Variants in AKT3 observed in about 807,000 individuals in gnomAD.
AKT3 encodes the protein RAC-gamma serine/threonine-protein kinase.
In AKT3, 15 loss-of-function variants were observed where a neutral mutation model predicts 65.3. The ratio of observed to expected loss-of-function variants is 0.23; its 90% CI spans 0.15 to 0.35. AKT3 has a LOEUF of 0.35. Ranked by LOEUF, AKT3 falls within the 10% of genes least tolerant of loss-of-function variation. The probability of loss-of-function intolerance (pLI) is 1.00; values close to 1 mark genes in which losing one functional copy is unlikely to be tolerated. For synonymous variants in AKT3, 206 were observed against 183.8 expected (o/e 1.12, Z -0.98); for missense variants, 243 against 576.5 (o/e 0.42, Z 5.92).
intron 3 of AKT3, among the ~76,000 whole-genome samples, chr1:243,675,437 G>A (rs1324215037): frequency 6.6e-6 from 1 of 152,178 alleles, no homozygotes; most frequent in Non-Finnish European, 1.5e-5. Flanking sequence ...CTGACCTCAG[G>A]TGATCAGCCC....
chr1:243,578,806 G>C (rs1675128867), intron 8 of AKT3, among the ~76,000 whole-genome samples: 1 of 152,132 alleles, frequency 6.6e-6, no homozygotes, highest in Non-Finnish European at 1.5e-5. Context: ...CAACAAAAAA[G>C]TTACTGATCA....
chr1:243,708,536 C>T (rs1221487375), intron 2 of AKT3, among the ~76,000 whole-genome samples: 2 of 151,836 alleles, frequency 1.3e-5, no homozygotes, highest in Admixed American at 1.3e-4. Context: ...TTATCTGTAC[C>T]TCAGTAAGCA....
chr1:243,783,231 AG>A (rs1328114235), intron 2 of AKT3, among the ~76,000 whole-genome samples: 1 of 152,244 alleles, frequency 6.6e-6, no homozygotes, highest in Non-Finnish European at 1.5e-5. Flanking sequence ...TTAGAGGGTT[AG>A]AACTTTCAGC....
intron 12 of AKT3, among the ~76,000 whole-genome samples, chr1:243,516,758 C>A (rs900503492): frequency 7.9e-5 from 12 of 152,212 alleles, no homozygotes; most frequent in Admixed American, 4.6e-4. Flanking sequence ...CAGGTGCACA[C>A]CAGTATGCCC....
rs1669076605 is a variant in AKT3 at position 243,499,857 on chromosome 1, G to A, written c.*5392C>T. On this transcript the variant is annotated 3_prime_UTR_variant, in exon 14 of 14. Transcript: ENST00000673466. ...CATTCATCTGGTTTAGACTTAATAT[G>A]CCACAACGCACCACGACCTTCCCAG... 2 of 1,452,972 alleles carry A rather than the reference G, an allele frequency of 1.4e-6. No individual in the cohort carries two copies. The highest frequency in any genetic ancestry group is 3.4e-5 in the Admixed American group (2 of 59,322). 90.0% of individuals were successfully genotyped at this position (1,452,972 alleles called of 1,614,324 possible).
At chr1:243,839,754 G>A (rs985321338) in intron 2 of AKT3, among the ~76,000 whole-genome samples, 1 of 150,954 alleles carries the variant, frequency 6.6e-6, no homozygotes, top group Non-Finnish European at 1.5e-5. Context: ...AACAATTGAT[G>A]CATATAGTCT....
At chr1:243,601,436 A>G (rs556240176) in intron 8 of AKT3, among the ~76,000 whole-genome samples, 1 of 152,262 alleles carries the variant, frequency 6.6e-6, no homozygotes, top group African/African-American at 2.4e-5. Context: ...AAAGACTACC[A>G]TGCCAAGTGT....
chr1:243,844,462 T>C (rs1695423952), intron 1 of AKT3, among the ~76,000 whole-genome samples: 1 of 152,148 alleles, frequency 6.6e-6, no homozygotes, highest in Admixed American at 6.5e-5. Flanking sequence ...ACAACAGGCT[T>C]TCCTATTTAC....
chr1:243,621,818 C>G (rs1247683224), intron 6 of AKT3, among the ~76,000 whole-genome samples: 1 of 150,934 alleles, frequency 6.6e-6, no homozygotes, highest in East Asian at 1.9e-4. Flanking sequence ...CCTTTTTTTT[C>G]CCACTCATAC....
At position 243,685,055 on chromosome 1, in the gene AKT3, C is replaced by T. The variant is rs574497351; in HGVS notation, c.172+10536G>A. Among the ~76,000 whole-genome samples, 20 of 152,238 alleles carry T rather than the reference C, an allele frequency of 1.3e-4. No homozygotes were observed. The South Asian group carries it at 3.3e-3, about 25-fold the overall frequency. On this transcript the variant is annotated intron_variant, in intron 3 of 13. Transcript: ENST00000673466. ...TCCTTGTAGATTCTGGATATTAGCC[C>T]TTTGACAGGTGGATAGATTGCGAAA...
intron 2 of AKT3, among the ~76,000 whole-genome samples, chr1:243,732,853 C>T (rs1211827733): frequency 6.6e-6 from 1 of 152,126 alleles, no homozygotes; most frequent in Non-Finnish European, 1.5e-5. Context: ...ACTGTTAATC[C>T]TTTGGGGAGA....
At chr1:243,512,235 T>C (rs1347322815) in intron 13 of AKT3, 89 bp downstream of exon 13, 1 of 657,564 alleles carries the variant, frequency 1.5e-6, no homozygotes, top group Non-Finnish European at 2.5e-6. Context: ...CTTGAAAATA[T>C]CAGATGAGTT....
chr1:243,818,201 T>A (rs772284552), intron 2 of AKT3: 5 of 152,204 alleles, frequency 3.3e-5, no homozygotes, highest in Non-Finnish European at 5.9e-5. Context: ...CAGCCAACAT[T>A]TATGGAACAC....
chr1:243,729,419 G>A (rs2148138297), intron 2 of AKT3, among the ~76,000 whole-genome samples: 2 of 152,246 alleles, frequency 1.3e-5, no homozygotes, highest in East Asian at 3.9e-4. Flanking sequence ...AAGAGCATAT[G>A]CACTGAGTTT....
At chr1:243,776,929 G>C (rs1331522238) in intron 2 of AKT3, among the ~76,000 whole-genome samples, 1 of 152,148 alleles carries the variant, frequency 6.6e-6, no homozygotes, top group Non-Finnish European at 1.5e-5. Context: ...ACTTCCTTGA[G>C]GTCTGGCACC....
At chr1:243,628,550 C>A (rs1203306228) in intron 6 of AKT3, among the ~76,000 whole-genome samples, 1 of 152,210 alleles carries the variant, frequency 6.6e-6, no homozygotes, top group Non-Finnish European at 1.5e-5. Flanking sequence ...TGCGATTCTC[C>A]TGCCTTGGCC....
intron 2 of AKT3, among the ~76,000 whole-genome samples, chr1:243,730,255 GGTAA>G (rs1246251239): frequency 6.6e-6 from 1 of 152,162 alleles, no homozygotes; most frequent in Admixed American, 6.5e-5. Context: ...CTGGACTCAA[GGTAA>G]GTAAGGACTA....
intron 12 of AKT3, among the ~76,000 whole-genome samples, chr1:243,514,948 T>A (rs756586164): frequency 6.6e-5 from 10 of 152,238 alleles, no homozygotes; most frequent in Non-Finnish European, 1.3e-4. Context: ...CTTGTGCCCA[T>A]GTGTACTTCC....
At chr1:243,803,415 T>C (rs1271856298) in intron 2 of AKT3, among the ~76,000 whole-genome samples, 3 of 152,140 alleles carry the variant, frequency 2.0e-5, no homozygotes, top group African/African-American at 7.2e-5. Flanking sequence ...CACATAGAGT[T>C]ACTTCATTTT....
Sources: allele counts gnomAD v4.1 joint callset (sites outside exome capture counted in the v4.1 genomes callset), GRCh38; gene constraint gnomAD v4.1.1; transcripts MANE v1.5; gene names NCBI Gene and HGNC (gene_info 2026-07-23, HGNC 2026-07-21).